Variants in MCM3 observed in about 807,000 individuals in gnomAD.
MCM3 encodes the protein minichromosome maintenance complex component 3.
MCM3 carries 59 observed loss-of-function variants against 91.3 expected under a neutral mutation model. That is an observed-to-expected ratio of 0.65 (90% CI 0.52 to 0.80). The LOEUF (loss-of-function observed/expected upper bound fraction) is 0.80, where lower values mean the gene tolerates loss of function less well. Ranked by LOEUF, MCM3 falls within the 30% of genes least tolerant of loss-of-function variation. The pLI is 0.00. For synonymous variants in MCM3, 383 were observed against 379.6 expected, an observed-to-expected ratio of 1.01 and a Z score of -0.10; for missense variants, 919 against 1,035.4, an observed-to-expected ratio of 0.89 and a Z score of 1.54.
intron 2 of MCM3, 127 bp downstream of exon 2, chr6:52,283,167 G>T (rs1386300714): frequency 1.5e-5 from 11 of 724,586 alleles, no homozygotes; most frequent in Admixed American, 1.2e-4. Context: ...ATAGGTGCAG[G>T]TGAGCTACGA....
rs1397858447 is a variant in MCM3 at position 52,284,739 on chromosome 6, G to C, written c.-65C>G. On this transcript the variant is annotated 5_prime_UTR_variant, in exon 1 of 17. Coordinates refer to ENST00000596288, the MANE Select transcript of MCM3 (RefSeq NM_002388.6). The stretch of plus-strand genomic sequence containing the variant: ...AGGTTCCCAGGATGACTCCACCCCG[G>C]CGCGAAAACTTCCGAACTCTTCCCG... 6.4e-7 allele frequency: 1 copy of C among 1,551,170 alleles called. No homozygotes were observed. Among genetic ancestry groups the C allele is most frequent in the Admixed American group, 2.0e-5 (1 of 50,190 alleles).
chr6:52,271,960 C>G (rs560728268), intron 12 of MCM3, among the ~76,000 whole-genome samples: 10 of 152,276 alleles, frequency 6.6e-5, no homozygotes, highest in African/African-American at 2.2e-4. Context: ...GTGCTTCCCC[C>G]GCTCCGGATC....
At chr6:52,277,454 G>T (rs1464896854) in intron 7 of MCM3, 81 bp downstream of exon 7, 5 of 1,387,226 alleles carry the variant, frequency 3.6e-6, no homozygotes, top group South Asian at 1.4e-5. Context: ...GCTAAGTACA[G>T]AATATACAAT....
intron 11 of MCM3, among the ~76,000 whole-genome samples, chr6:52,273,002 AG>A (rs1227057992): frequency 6.6e-6 from 1 of 152,232 alleles, no homozygotes; most frequent in East Asian, 1.9e-4. Flanking sequence ...CTCTATTTTA[AG>A]AAAAGACCTG....
In MCM3 at chr6:52,277,539, TAGA is replaced by T. The variant is rs756946199; in HGVS notation, c.1026_1028del (p.Leu343del). 5 of 1,613,024 alleles carry T rather than the reference TAGA, an allele frequency of 3.1e-6. No individual in the cohort carries two copies. The highest frequency in any genetic ancestry group is 4.2e-6 in the Non-Finnish European group (5 of 1,179,610). The stretch of plus-strand genomic sequence containing the variant: ...AGCAAATCCCCAACATCGTACCTAT[TAGA>T]AGAATATTGATGTCCCCACGGATGT... On this transcript the variant is annotated inframe_deletion, in exon 7 of 17. Transcript: ENST00000596288.
rs200320642 is a variant in MCM3, at chr6:52,272,328, C to T, written c.1800G>A (p.Gln600=). Residue 600 remains glutamine, a synonymous_variant, in exon 12 of 17, where the codon CAG becomes CAA. Coordinates refer to ENST00000596288, the MANE Select transcript of MCM3 (RefSeq NM_002388.6). ...TGGCGGTGTCTGAGCTCATGCTATCCTGGCTGCGCAGGCGTGAATACTCTT... is the reference window on the plus strand; with the variant it reads ...TGGCGGTGTCTGAGCTCATGCTATCTTGGCTGCGCAGGCGTGAATACTCTT... ...IAEEYSRLRS[Q]DSMSSDTART... 6.4e-5 allele frequency: 104 copies of T among 1,614,098 alleles called. No individual in the cohort carries two copies. The highest frequency in any genetic ancestry group is 8.6e-5 in the Non-Finnish European group (101 of 1,180,046).
intron 9 of MCM3, among the ~76,000 whole-genome samples, chr6:52,275,049 A>G (rs1765444420): frequency 6.6e-6 from 1 of 152,110 alleles, no homozygotes; most frequent in African/African-American, 2.4e-5. Context: ...CAGGCATGAG[A>G]CACTGCGCCC....
At position 52,264,772 on chromosome 6, in the gene MCM3, T is replaced by C. The variant is rs61752699; in HGVS notation, c.2243A>G (p.Lys748Arg). The change falls in exon 17 of 17, where the codon AAG (lysine) becomes AGG (arginine). Residue 748 changes from lysine (K) to arginine (R), a missense_variant. Lys to Arg is a conservative substitution (Grantham distance 26). Around this residue, in one of 3 missense-constraint regions of MCM3, gnomAD observed 285 missense variants for 311.4 expected, o/e 0.92. Transcript: ENST00000596288. ...ELSESRLKAF[K>R]VALLDVFREA... ...CCGGAACACATCCAAGAGGGCCACCTTGAATGCCTTCAACCTGCCCCAGAC... is the reference window on the plus strand; with the variant it reads ...CCGGAACACATCCAAGAGGGCCACCCTGAATGCCTTCAACCTGCCCCAGAC... 4 of 1,613,750 alleles carry C rather than the reference T, an allele frequency of 2.5e-6. No homozygotes were observed. Among genetic ancestry groups the C allele is most frequent in the Non-Finnish European group, 3.4e-6 (4 of 1,180,016 alleles).
chr6:52,272,200 A>T (rs999039441), intron 12 of MCM3, 101 bp downstream of exon 12: 1 of 1,288,564 alleles, frequency 7.8e-7, no homozygotes, highest in Admixed American at 2.4e-5. Flanking sequence ...CCAGGAAAAA[A>T]GTCACTAAGT....
intron 8 of MCM3, 93 bp from the exon 9 acceptor site, chr6:52,276,569 T>G: frequency 9.1e-7 from 1 of 1,093,478 alleles, no homozygotes; most frequent in Non-Finnish European, 1.3e-6. Flanking sequence ...AATCTCTCAC[T>G]TTGCACGTGA....
At chr6:52,266,279 TGG>T (rs1412846436) in intron 15 of MCM3, 135 bp from the exon 16 acceptor site, 21 of 716,346 alleles carry the variant, frequency 2.9e-5, no homozygotes, top group South Asian at 1.7e-5. Flanking sequence ...AGGGTTCTTA[TGG>T]GGCCAGGCAG....
At chr6:52,272,490 C>T (rs755514390) in intron 11 of MCM3, 39 bp from the exon 12 acceptor site, 1 of 1,610,890 alleles carries the variant, frequency 6.2e-7, no homozygotes, top group South Asian at 1.1e-5. Context: ...CCCTGCCACA[C>T]CTTACCACCT....
intron 4 of MCM3, among the ~76,000 whole-genome samples, chr6:52,279,807 T>C (rs1359924977): frequency 6.6e-6 from 1 of 152,254 alleles, no homozygotes; most frequent in Non-Finnish European, 1.5e-5. Context: ...GAATGGACTA[T>C]GGTTATATTA....
At chr6:52,279,692 A>G (rs1765910514) in intron 4 of MCM3, 93 bp from the exon 5 acceptor site, 10 of 965,348 alleles carry the variant, frequency 1.0e-5, no homozygotes, top group Admixed American at 4.7e-5. Flanking sequence ...GACTTCATAA[A>G]ATTTTATTAT....
At position 52,273,357 on chromosome 6, in the gene MCM3, C is replaced by A; in HGVS notation, c.1550-1G>T. On this transcript the variant is annotated splice_acceptor_variant, in intron 10 of 16. Coordinates refer to ENST00000596288, the MANE Select transcript of MCM3 (RefSeq NM_002388.6). LOFTEE classifies it high-confidence loss of function. The stretch of plus-strand genomic sequence containing the variant: ...TCCACAGCACTACCCAAGGGCATAG[C>A]TGGTATACCCAAGTTAGGAGAAAGG... 1.2e-6 allele frequency: 2 copies of A among 1,614,078 alleles called. No individual in the cohort carries two copies. Among genetic ancestry groups the A allele is most frequent in the Non-Finnish European group, 1.7e-6 (2 of 1,179,996 alleles).
At chr6:52,266,220 A>G (rs1402573498) in intron 15 of MCM3, 76 bp from the exon 16 acceptor site, 1 of 1,078,900 alleles carries the variant, frequency 9.3e-7, no homozygotes, top group Non-Finnish European at 1.4e-6. Flanking sequence ...TAGAGAAATC[A>G]TCTCCACTCC....
rs780578811 is a variant in MCM3 at position 52,282,823 on chromosome 6, T to C, written c.230A>G (p.Gln77Arg). The change falls in exon 3 of 17, where the codon CAG becomes CGG. Residue 77 changes from glutamine (Q) to arginine (R), a missense_variant. Around this residue, in one of 3 missense-constraint regions of MCM3, gnomAD observed 401 missense variants for 402.7 expected, o/e 1.00. Coordinates refer to ENST00000596288, the MANE Select transcript of MCM3 (RefSeq NM_002388.6). ...GGCCACAAAATCCTTTAAGGCCCGC[T>C]GGAAGGCAACCAGCTCCTCAAAGGC... Reference protein sequence around the residue: ...NNAFEELVAFQRALKDFVASI... With the variant: ...NNAFEELVAFRRALKDFVASI... 8.7e-6 allele frequency: 14 copies of C among 1,613,906 alleles called. No homozygotes were observed. The Middle Eastern group carries it at 4.9e-4, about 57-fold the overall frequency.
At chr6:52,273,938 G>T (rs780237926) in intron 9 of MCM3, 22 bp from the exon 10 acceptor site, 1 of 1,583,462 alleles carries the variant, frequency 6.3e-7, no homozygotes, top group East Asian at 2.3e-5. Context: ...GAGGACAACA[G>T]AAGTGGACAT....
chr6:52,273,928 G>A lies in MCM3; in HGVS notation c.1375-12C>T, dbSNP rs753694912. On this transcript the variant is annotated splice_polypyrimidine_tract_variant and intron_variant, in intron 9 of 16. Coordinates refer to ENST00000596288, the MANE Select transcript of MCM3 (RefSeq NM_002388.6). ...TTATACTGGTCATACTGGGGAATGCGAGGACAACAGAAGTGGACATGACAT... is the reference window on the plus strand; with the variant it reads ...TTATACTGGTCATACTGGGGAATGCAAGGACAACAGAAGTGGACATGACAT... 23 of 1,598,108 alleles carry A rather than the reference G, an allele frequency of 1.4e-5. No individual in the cohort carries two copies. Among genetic ancestry groups the A allele is most frequent in the Middle Eastern group, 1.7e-4 (1 of 6,032 alleles).
Sources: gnomAD v4.1 joint callset for allele counts (sites outside exome capture counted in the v4.1 genomes callset) on GRCh38, gnomAD v4.1.1 for gene constraint, gnomAD v4.1.1 regional missense constraint, MANE v1.5 for transcripts, NCBI Gene and HGNC (gene_info 2026-07-23, HGNC 2026-07-21) for gene names.